The following SORCS3 variants were observed in gnomAD, a reference collection of about 807,000 sequenced individuals.
The protein encoded by SORCS3 is sortilin related VPS10 domain containing receptor 3.
In SORCS3, 57 loss-of-function variants were observed where a neutral mutation model predicts 146.3. The ratio of observed to expected loss-of-function variants is 0.39; its 90% CI spans 0.31 to 0.49. The LOEUF is 0.49. Among genes scored for constraint, SORCS3 ranks in the 20% least tolerant of loss-of-function variants. The probability of loss-of-function intolerance (pLI) is 0.92; values close to 1 mark genes in which losing one functional copy is unlikely to be tolerated. For synonymous variants in SORCS3, 653 were observed against 618.5 expected (o/e 1.06, Z -0.83); for missense variants, 1,341 against 1,575.5 (o/e 0.85, Z 2.52).
chr10:104,954,454 A>G (rs755715221), intron 3 of SORCS3, among the ~76,000 whole-genome samples: 15 of 152,200 alleles, frequency 9.9e-5, no homozygotes, highest in Non-Finnish European at 1.8e-4. Context: ...TGTGTATAGT[A>G]AGTGCCTGTA....
intron 14 of SORCS3, among the ~76,000 whole-genome samples, chr10:105,191,008 T>C (rs1434555875): frequency 2.6e-5 from 4 of 152,224 alleles, no homozygotes; most frequent in African/African-American, 4.8e-5. Context: ...AGGAACCCTC[T>C]GTAGTTCCAG....
intron 19 of SORCS3, among the ~76,000 whole-genome samples, chr10:105,218,101 CAA>C (rs1312326803): frequency 1.3e-5 from 2 of 152,188 alleles, no homozygotes; most frequent in African/African-American, 4.8e-5. Context: ...AGGTCCCTGG[CAA>C]ACAGTAAGCT....
Position 104,883,980 on chromosome 10 carries a change from G to C in SORCS3, c.696-31853G>C, listed in dbSNP as rs182143702. 5.0e-4 allele frequency among the ~76,000 whole-genome samples: 75 copies of C among 149,836 alleles called. 1 individual carries two copies. In the East Asian group the frequency reaches 0.013, roughly 27 times the overall value. On this transcript the variant is annotated intron_variant, in intron 2 of 26. Coordinates refer to ENST00000369701, the MANE Select transcript of SORCS3 (RefSeq NM_014978.3). ...TCCACTGTTCTGCTGTGGAATGAGGGGGGGGAAAGGGTCCTACCCTATCTG... is the reference window on the plus strand; with the variant it reads ...TCCACTGTTCTGCTGTGGAATGAGGCGGGGGAAAGGGTCCTACCCTATCTG...
chr10:105,011,929 A>G (rs2055138379), intron 4 of SORCS3, among the ~76,000 whole-genome samples: 1 of 152,202 alleles, frequency 6.6e-6, no homozygotes, highest in African/African-American at 2.4e-5. Context: ...AACAACATAT[A>G]TTGTTAGTTG....
Position 104,819,305 on chromosome 10 carries a change from C to G in SORCS3, c.628-23487C>G, listed in dbSNP as rs540926197. ...GTAAGTTTCTCAGATGAGTCTGGCT[C>G]AAGGGGTCTGTGAGTCACACTTTGA... is the stretch of plus-strand genomic sequence containing the variant. On this transcript the variant is annotated intron_variant, in intron 1 of 26. Transcript: ENST00000369701. Among the ~76,000 whole-genome samples the G allele has an allele frequency of 1.8e-4, 27 of 152,230 alleles. No individual in the cohort carries two copies. In the South Asian group the frequency reaches 5.6e-3, roughly 32 times the overall value.
chr10:105,260,416 A>G (rs1356631909), intron 25 of SORCS3, among the ~76,000 whole-genome samples: 1 of 152,218 alleles, frequency 6.6e-6, no homozygotes, highest in Non-Finnish European at 1.5e-5. Flanking sequence ...AAAGGCCAGC[A>G]TTAATTTTTA....
chr10:104,943,974 A>G (rs1398383421), intron 3 of SORCS3, among the ~76,000 whole-genome samples: 3 of 152,062 alleles, frequency 2.0e-5, no homozygotes, highest in African/African-American at 7.2e-5. Context: ...GGTGGAGTGA[A>G]GTGGCATGGT....
In SORCS3 at chr10:104,727,446, G is replaced by C. The variant is rs1033651507; in HGVS notation, c.627+85492G>C. On this transcript the variant is annotated intron_variant, in intron 1 of 26. Coordinates refer to ENST00000369701, the MANE Select transcript of SORCS3 (RefSeq NM_014978.3). The stretch of plus-strand genomic sequence containing the variant: ...TTCCCTCCTTCCTATCCTTCTGTTT[G>C]TCCAGTCATCATCTGCATATTTCCA... Among the ~76,000 whole-genome samples the C allele has an allele frequency of 2.0e-5, 3 of 151,434 alleles. No individual in the cohort carries two copies. In the East Asian group the frequency reaches 5.8e-4, roughly 29 times the overall value.
At chr10:104,645,627 G>A (rs2015485128) in intron 1 of SORCS3, among the ~76,000 whole-genome samples, 1 of 152,104 alleles carries the variant, frequency 6.6e-6, no homozygotes, top group African/African-American at 2.4e-5. Flanking sequence ...CAATTAATGG[G>A]CCCAACACTG....
intron 16 of SORCS3, among the ~76,000 whole-genome samples, chr10:105,202,549 A>G (rs1281015440): frequency 6.6e-6 from 1 of 152,044 alleles, no homozygotes; most frequent in Non-Finnish European, 1.5e-5. Flanking sequence ...CTGTTTTATT[A>G]TCTCCTTAGT....
chr10:104,822,940 A>T (rs544273698), intron 1 of SORCS3, among the ~76,000 whole-genome samples: 8 of 152,154 alleles, frequency 5.3e-5, no homozygotes, highest in Non-Finnish European at 8.8e-5. Context: ...TGGCCCTGTT[A>T]TCTGCCATTC....
chr10:104,940,420 G>A (rs1027351174), intron 3 of SORCS3, among the ~76,000 whole-genome samples: 4 of 110,558 alleles, frequency 3.6e-5, no homozygotes, highest in Non-Finnish European at 7.1e-5. Flanking sequence ...AGGCCCCGGT[G>A]TGTGATGTTC....
chr10:104,696,560 A>T (rs866002242), intron 1 of SORCS3, among the ~76,000 whole-genome samples: 2 of 11,640 alleles, frequency 1.7e-4, no homozygotes, highest in African/African-American at 4.0e-4. Context: ...TAGAATATAT[A>T]ATATACGTAT....
intron 13 of SORCS3, among the ~76,000 whole-genome samples, chr10:105,168,513 A>G (rs2119531282): frequency 6.6e-6 from 1 of 152,294 alleles, no homozygotes; most frequent in Admixed American, 6.5e-5. Flanking sequence ...TATCCTATCT[A>G]GAGTACAGTT....
At chr10:105,033,611 G>A (rs1487721914) in intron 4 of SORCS3, among the ~76,000 whole-genome samples, 3 of 152,196 alleles carry the variant, frequency 2.0e-5, no homozygotes, top group Non-Finnish European at 2.9e-5. Context: ...GTGAATGAAT[G>A]AGTAGGTTGA....
chr10:104,706,689 A>T (rs10884036), intron 1 of SORCS3, among the ~76,000 whole-genome samples: 99,707 of 151,998 alleles, frequency 0.66, 32,824 homozygotes, highest in East Asian at 0.7. Context: ...CTGTGGATAA[A>T]TTTACCTTAC....
chr10:104,904,884 T>C (rs1011036728), intron 2 of SORCS3, among the ~76,000 whole-genome samples: 4 of 152,068 alleles, frequency 2.6e-5, no homozygotes, highest in African/African-American at 9.7e-5. Context: ...TCCAAGGCTG[T>C]GGTAACCAGT....
intron 3 of SORCS3, among the ~76,000 whole-genome samples, chr10:104,916,365 T>C (rs2019027303): frequency 6.6e-6 from 1 of 152,170 alleles, no homozygotes; most frequent in East Asian, 1.9e-4. Flanking sequence ...GGTACATTTT[T>C]TGAGAACCCC....
At chr10:105,206,721 G>C (rs753455334) in intron 16 of SORCS3, among the ~76,000 whole-genome samples, 5 of 152,134 alleles carry the variant, frequency 3.3e-5, no homozygotes, top group Non-Finnish European at 7.4e-5. Context: ...CTGTATTTGG[G>C]CTTATGTCTT....
Sources: gnomAD v4.1 joint callset for allele counts (sites outside exome capture counted in the v4.1 genomes callset) on GRCh38, gnomAD v4.1.1 for gene constraint, MANE v1.5 for transcripts, NCBI Gene and HGNC (gene_info 2026-07-23, HGNC 2026-07-21) for gene names.